The following DDX46 variants were observed in gnomAD, a reference collection of about 807,000 sequenced individuals.
DDX46 encodes the protein DEAD-box helicase 46, also known as probable ATP-dependent RNA helicase DDX46.
DDX46 carries 30 observed loss-of-function variants against 134.9 expected under a neutral mutation model. The ratio of observed to expected loss-of-function variants is 0.22; its 90% CI spans 0.17 to 0.30. The LOEUF (loss-of-function observed/expected upper bound fraction) is 0.30. Ranked by LOEUF, DDX46 falls within the 10% of genes least tolerant of loss-of-function variation. The pLI is 1.00. For missense variants in DDX46, 622 were observed against 1,248.7 expected (o/e 0.50, Z 7.56); for synonymous variants, 415 against 404.1 (o/e 1.03, Z -0.32).
At chr5:134,776,620 T>C (rs1280743282) in intron 5 of DDX46, among the ~76,000 whole-genome samples, 1 of 151,894 alleles carries the variant, frequency 6.6e-6, no homozygotes, top group African/African-American at 2.4e-5. Context: ...TCAACTGTAA[T>C]TGAAAATGTC....
intron 21 of DDX46, among the ~76,000 whole-genome samples, chr5:134,822,213 A>G (rs758561500): frequency 6.6e-6 from 1 of 152,090 alleles, no homozygotes; most frequent in Non-Finnish European, 1.5e-5. Context: ...GTGGATTGCA[A>G]TTAATATCTT....
intron 2 of DDX46, among the ~76,000 whole-genome samples, chr5:134,766,552 C>G (rs956928783): frequency 8.7e-5 from 13 of 149,002 alleles, no homozygotes; most frequent in Middle Eastern, 3.4e-3. Flanking sequence ...AAAACTCTGT[C>G]TCCAAAAAAA....
intron 3 of DDX46, among the ~76,000 whole-genome samples, chr5:134,770,327 C>G (rs1390213046): frequency 6.6e-6 from 1 of 150,918 alleles, no homozygotes; most frequent in Non-Finnish European, 1.5e-5. Flanking sequence ...CGTCTTGTTT[C>G]TGCCTCCTCA....
At chr5:134,779,581 C>T (rs1033956955) in intron 6 of DDX46, among the ~76,000 whole-genome samples, 1 of 152,098 alleles carries the variant, frequency 6.6e-6, no homozygotes, top group Non-Finnish European at 1.5e-5. Flanking sequence ...ATGATCATAC[C>T]TCATACGCCT....
intron 13 of DDX46, among the ~76,000 whole-genome samples, chr5:134,791,609 A>C (rs141469749): frequency 3.0e-4 from 46 of 152,260 alleles, no homozygotes; most frequent in African/African-American, 1.1e-3. Context: ...ATCATTGTGA[A>C]TTGTCAGTAG....
At chr5:134,766,490 G>A (rs1256811285) in intron 2 of DDX46, among the ~76,000 whole-genome samples, 1 of 151,748 alleles carries the variant, frequency 6.6e-6, no homozygotes, top group African/African-American at 2.4e-5. Context: ...GGAGATGGAG[G>A]TTGTGGTGAG....
Position 134,817,543 on chromosome 5 carries a change from T to A in DDX46, c.2661T>A (p.Ile887=). The A allele has an allele frequency of 6.2e-7, 1 of 1,614,134 alleles. No individual in the cohort carries two copies. The highest frequency in any genetic ancestry group is 8.5e-7 in the Non-Finnish European group (1 of 1,180,030). Residue 887 remains isoleucine (I), a synonymous_variant, in exon 20 of 23, where the codon ATT becomes ATA. Transcript: ENST00000452510. ...ATNAILRGGT[I]LAPTVSAKTI... is the part of the protein sequence containing the mutation. ...ATGCAATTCTTAGGGGTGGCACCAT[T>A]CTGGCTCCCACTGTTTCTGCAAAAA...
intron 6 of DDX46, 98 bp downstream of exon 6, chr5:134,777,823 A>G (rs1414683130): frequency 6.4e-6 from 9 of 1,405,964 alleles, no homozygotes; most frequent in Non-Finnish European, 8.5e-6. Flanking sequence ...TTGTAAAGCT[A>G]ACAGTTTTCT....
intron 4 of DDX46, among the ~76,000 whole-genome samples, chr5:134,771,819 C>G (rs1415175584): frequency 1.3e-5 from 2 of 152,068 alleles, no homozygotes; most frequent in Non-Finnish European, 2.9e-5. Context: ...TAATATTTAC[C>G]CCTGTGGGAA....
chr5:134,815,880 C>G (rs1755277326), intron 18 of DDX46, among the ~76,000 whole-genome samples: 1 of 151,982 alleles, frequency 6.6e-6, no homozygotes, highest in Non-Finnish European at 1.5e-5. Flanking sequence ...TTCAGTTACC[C>G]AGTTTTTAAG....
chr5:134,821,107 G>A (rs1275642485), intron 21 of DDX46, among the ~76,000 whole-genome samples: 1 of 150,382 alleles, frequency 6.6e-6, no homozygotes, highest in Non-Finnish European at 1.5e-5. Context: ...GCGCAATCTC[G>A]GCTCACTGCC....
At chr5:134,785,370 C>A in intron 10 of DDX46, 95 bp from the exon 11 acceptor site, 1 of 1,360,574 alleles carries the variant, frequency 7.3e-7, no homozygotes, top group Non-Finnish European at 9.5e-7. Context: ...TTAGGTGAAA[C>A]AATCTGAACT....
chr5:134,808,681 A>G (rs750256972), intron 16 of DDX46, among the ~76,000 whole-genome samples: 5 of 152,094 alleles, frequency 3.3e-5, no homozygotes, highest in Admixed American at 2.0e-4. Flanking sequence ...TTACCTCCCT[A>G]TCATTCATAC....
In DDX46 at chr5:134,777,764, T is replaced by C. The variant is rs187101448; in HGVS notation, c.765+39T>C. The C allele has an allele frequency of 2.4e-4, 381 of 1,570,816 alleles. 4 individuals are homozygous for C. The East Asian group carries it at 7.5e-3, about 31-fold the overall frequency. On this transcript the variant is annotated intron_variant, in intron 6 of 22. Transcript: ENST00000452510. ...TATTTTTAAAGATTTCCGTTTCCTC[T>C]TGGGTAACTTGAGTTCTCCATTGCA...
chr5:134,760,922 G>A (rs897648437), intron 1 of DDX46, among the ~76,000 whole-genome samples: 2 of 152,070 alleles, frequency 1.3e-5, no homozygotes, highest in South Asian at 2.1e-4. Flanking sequence ...GTAGAGACGG[G>A]GTTTCACCGT....
chr5:134,759,580 C>T (rs1753314752), intron 1 of DDX46, among the ~76,000 whole-genome samples: 1 of 152,156 alleles, frequency 6.6e-6, no homozygotes, highest in Non-Finnish European at 1.5e-5. Context: ...GATCTCATCA[C>T]AACTTTAGAT....
chr5:134,785,204 A>G (rs1214174010), intron 10 of DDX46, among the ~76,000 whole-genome samples: 1 of 152,150 alleles, frequency 6.6e-6, no homozygotes, highest in African/African-American at 2.4e-5. Context: ...ATTCTTTTGA[A>G]CCAAGTATTT....
chr5:134,788,803 C>T (rs185894691), intron 12 of DDX46, among the ~76,000 whole-genome samples: 233 of 151,480 alleles, frequency 1.5e-3, no homozygotes, highest in African/African-American at 5.5e-3. Flanking sequence ...GAGCCAAGAT[C>T]GCACCACTGT....
intron 22 of DDX46, 58 bp from the exon 23 acceptor site, chr5:134,828,601 T>A (rs1436998225): frequency 8.0e-7 from 1 of 1,248,560 alleles, no homozygotes; most frequent in Non-Finnish European, 1.1e-6. Context: ...TTCGTTTTTT[T>A]TTTTTGTTTT....
Sources: gnomAD v4.1 joint callset for allele counts (sites outside exome capture counted in the v4.1 genomes callset) on GRCh38, gnomAD v4.1.1 for gene constraint, MANE v1.5 for transcripts, NCBI Gene and HGNC (gene_info 2026-07-23, HGNC 2026-07-21) for gene names.